The following PCDHA13 variants were observed in gnomAD, a reference collection of about 807,000 sequenced individuals.
The protein encoded by PCDHA13 is protocadherin alpha 13.
PCDHA13 carries 54 observed loss-of-function variants against 64.8 expected under a neutral mutation model. The observed-to-expected ratio is 0.83, with a 90% CI of 0.67 to 1.04. The LOEUF (loss-of-function observed/expected upper bound fraction) is 1.04, where lower values mean the gene tolerates loss of function less well. Ranked by LOEUF, PCDHA13 falls within the 50% of genes least tolerant of loss-of-function variation. The probability of loss-of-function intolerance (pLI) is 0.00; values close to 1 mark genes in which losing one functional copy is unlikely to be tolerated. For synonymous variants in PCDHA13, 587 were observed against 564.4 expected, an observed-to-expected ratio of 1.04 and a Z score of -0.57; for missense variants, 1,248 against 1,254.3, an observed-to-expected ratio of 0.99 and a Z score of 0.08.
At chr5:140,979,354 A>G (rs1205411040) in intron 2 of PCDHA13, among the ~76,000 whole-genome samples, 1 of 151,576 alleles carries the variant, frequency 6.6e-6, no homozygotes. Context: ...ATTAATACTC[A>G]TGCTTTGAGA....
chr5:140,993,523 CAG>C (rs111789518), intron 3 of PCDHA13, among the ~76,000 whole-genome samples: 1,510 of 145,458 alleles, frequency 0.01, 24 homozygotes, highest in African/African-American at 0.035. Flanking sequence ...GAGAGAGAGA[CAG>C]AGAGAGAGAG....
At chr5:140,967,357 T>C (rs782125763) in intron 1 of PCDHA13, 2 of 1,608,222 alleles carry the variant, frequency 1.2e-6, no homozygotes, top group Non-Finnish European at 1.7e-6. Context: ...AGCTGGACCT[T>C]AAGCCCCTGC....
Position 140,883,282 on chromosome 5 carries a change from G to A in PCDHA13, c.1014G>A (p.Val338=), listed in dbSNP as rs781911340. 6 of 1,613,900 alleles carry A rather than the reference G, an allele frequency of 3.7e-6. No homozygotes were observed. The highest frequency in any genetic ancestry group is 5.1e-6 in the Non-Finnish European group (6 of 1,180,022). The change falls in exon 1 of 4, where the codon GTG becomes GTA. Residue 338 remains valine (V), a synonymous_variant. Coordinates refer to ENST00000289272, the MANE Select transcript of PCDHA13 (RefSeq NM_018904.3). ...IPMAGHCTLL[V]EVLDVNDNAP... is the part of the protein sequence containing the mutation. ...TGGCGGGTCATTGTACCCTTTTGGT[G>A]GAAGTACTAGATGTAAATGATAACG...
chr5:140,948,637 T>C (rs2094284946), intron 1 of PCDHA13, among the ~76,000 whole-genome samples: 1 of 151,712 alleles, frequency 6.6e-6, no homozygotes, highest in Non-Finnish European at 1.5e-5. Context: ...TATTCTCTCA[T>C]CTTTTAACGT....
intron 1 of PCDHA13, among the ~76,000 whole-genome samples, chr5:140,965,934 G>C (rs1186937423): frequency 6.6e-6 from 1 of 152,212 alleles, no homozygotes; most frequent in Non-Finnish European, 1.5e-5. Context: ...CTCCCGGAAA[G>C]AGGGCAGCAT....
Position 140,882,709 on chromosome 5 carries a change from T to G in PCDHA13, c.441T>G (p.Pro147=), listed in dbSNP as rs782343997. The G allele has an allele frequency of 6.2e-7, 1 of 1,614,022 alleles. No homozygotes were observed. The highest frequency in any genetic ancestry group is 8.5e-7 in the Non-Finnish European group (1 of 1,180,040). The part of the protein sequence containing the change: ...KKRIIIAESR[P]PETRFPLDGA... ...GAATAATCATTGCAGAATCTAGACC[T>G]CCGGAAACTCGATTTCCACTAGATG... The change falls in exon 1 of 4, where the codon CCT becomes CCG. Residue 147 remains proline (P), a synonymous_variant. Coordinates refer to ENST00000289272, the MANE Select transcript of PCDHA13 (RefSeq NM_018904.3).
At position 140,966,710 on chromosome 5, in the gene PCDHA13, G is replaced by T. The variant is rs552888876; in HGVS notation, c.2395-12239G>T. The T allele has an allele frequency of 2.9e-6, 4 of 1,391,664 alleles. No individual in the cohort carries two copies. In the South Asian group the frequency reaches 6.5e-5, roughly 23 times the overall value. The allele number at this position is 1,391,664 out of a possible 1,614,324, so 86.2% of individuals were successfully genotyped here. A position where few individuals can be genotyped will look rare whatever the true frequency, so the allele number is the denominator to read the frequency against. On this transcript the variant is annotated intron_variant, in intron 1 of 3. Transcript: ENST00000289272. ...AGGCGGGGCCCGGGCGTGGGGCACG[G>T]CTGGGGAAGCTGCCGCCTCCGGCCC...
chr5:141,010,545 A>G lies in PCDHA13; in HGVS notation c.*608A>G. On this transcript the variant is annotated 3_prime_UTR_variant, in exon 4 of 4. Coordinates refer to ENST00000289272, the MANE Select transcript of PCDHA13 (RefSeq NM_018904.3). ...GGTGGCAGCCACCCTCTAGGAGACAAAACTACCCCCACTGACAAGGCTTTA... is the reference window on the plus strand; with the variant it reads ...GGTGGCAGCCACCCTCTAGGAGACAGAACTACCCCCACTGACAAGGCTTTA... 1 of 343,382 alleles carries G rather than the reference A, an allele frequency of 2.9e-6. No individual in the cohort carries two copies. 21.3% of individuals were successfully genotyped at this position (343,382 alleles called of 1,614,324 possible).
chr5:140,907,158 T>C (rs1482177408), intron 1 of PCDHA13, among the ~76,000 whole-genome samples: 1 of 152,146 alleles, frequency 6.6e-6, no homozygotes, highest in Non-Finnish European at 1.5e-5. Flanking sequence ...AACAGTACCA[T>C]ATATTGGATG....
In PCDHA13 at chr5:140,977,177, T is replaced by G. The variant is rs139020033; in HGVS notation, c.2395-1772T>G. On this transcript the variant is annotated intron_variant, in intron 1 of 3. Coordinates refer to ENST00000289272, the MANE Select transcript of PCDHA13 (RefSeq NM_018904.3). ...CCTTTCAGCAAAATGAGTTTGATGA[T>G]TTCATTCCAAAGATCAAGTTGCAGC... 6.8e-3 allele frequency among the ~76,000 whole-genome samples: 1,032 copies of G among 152,274 alleles called. 9 individuals are homozygous for G. Among genetic ancestry groups the G allele is most frequent in the African/African-American group, 0.023 (966 of 41,542 alleles).
intron 1 of PCDHA13, among the ~76,000 whole-genome samples, chr5:140,953,598 T>C (rs1189793307): frequency 2.6e-5 from 4 of 152,188 alleles, no homozygotes; most frequent in South Asian, 2.1e-4. Context: ...CTTTTGTTTA[T>C]TCCCCAGAGT....
intron 1 of PCDHA13, chr5:140,968,319 TCAC>T: frequency 6.2e-7 from 1 of 1,613,996 alleles, no homozygotes; most frequent in East Asian, 2.2e-5. Flanking sequence ...GGGCTGCCAG[TCAC>T]CTCCTATGTC....
At chr5:140,962,169 C>T (rs2095662298) in intron 1 of PCDHA13, among the ~76,000 whole-genome samples, 1 of 152,152 alleles carries the variant, frequency 6.6e-6, no homozygotes, top group Non-Finnish European at 1.5e-5. Flanking sequence ...GCCACCACAC[C>T]CGGCCACTTA....
chr5:140,901,588 T>A (rs1245761513), intron 1 of PCDHA13, among the ~76,000 whole-genome samples: 1 of 152,176 alleles, frequency 6.6e-6, no homozygotes, highest in Non-Finnish European at 1.5e-5. Flanking sequence ...TGCCATGATG[T>A]TTTGGTTACT....
chr5:141,012,182 A>T lies in PCDHA13; in HGVS notation c.*2245A>T, dbSNP rs1334407628. On this transcript the variant is annotated 3_prime_UTR_variant, in exon 4 of 4. Coordinates refer to ENST00000289272, the MANE Select transcript of PCDHA13 (RefSeq NM_018904.3). ...CTAATTTATTAATGATGATAATTATAATGTATCTGTACAGCACTTTTTACA... is the reference window on the plus strand; with the variant it reads ...CTAATTTATTAATGATGATAATTATTATGTATCTGTACAGCACTTTTTACA... 6.5e-6 allele frequency: 1 copy of T among 153,776 alleles called. No homozygotes were observed. The highest frequency in any genetic ancestry group is 1.5e-5 in the Non-Finnish European group (1 of 68,050). 9.5% of individuals were successfully genotyped at this position (153,776 alleles called of 1,614,324 possible).
intron 1 of PCDHA13, among the ~76,000 whole-genome samples, chr5:140,887,453 T>C (rs2061454477): frequency 6.6e-6 from 1 of 152,178 alleles, no homozygotes; most frequent in Non-Finnish European, 1.5e-5. Flanking sequence ...TGACAGTTTT[T>C]TAAAAGATAT....
chr5:141,010,255 C>T lies in PCDHA13; in HGVS notation c.*318C>T. The T allele has an allele frequency of 6.4e-7, 1 of 1,551,816 alleles. No homozygotes were observed. Among genetic ancestry groups the T allele is most frequent in the Non-Finnish European group, 8.7e-7 (1 of 1,147,020 alleles). ...CCAGTGAGAGGTTGGACTCTCTGCC[C>T]TGTGCTCCGGGGATCCTGTCTTGAT... is the stretch of plus-strand genomic sequence containing the variant. On this transcript the variant is annotated 3_prime_UTR_variant, in exon 4 of 4. Coordinates refer to ENST00000289272, the MANE Select transcript of PCDHA13 (RefSeq NM_018904.3).
chr5:140,930,985 A>G (rs2087229279), intron 1 of PCDHA13, among the ~76,000 whole-genome samples: 1 of 152,110 alleles, frequency 6.6e-6, no homozygotes, highest in Non-Finnish European at 1.5e-5. Context: ...TTTCTTCCTC[A>G]TGACCTACAC....
chr5:140,958,997 A>C (rs1356032687), intron 1 of PCDHA13, among the ~76,000 whole-genome samples: 1 of 152,076 alleles, frequency 6.6e-6, no homozygotes, highest in African/African-American at 2.4e-5. Context: ...CTAATCTTTT[A>C]CTGTACCTAA....
Sources: allele counts gnomAD v4.1 joint callset (sites outside exome capture counted in the v4.1 genomes callset), GRCh38; gene constraint gnomAD v4.1.1; transcripts MANE v1.5; gene names NCBI Gene and HGNC (gene_info 2026-07-23, HGNC 2026-07-21).